ZNF385B: variants seen among roughly 807,000 people sequenced by gnomAD.
ZNF385B encodes the protein zinc finger protein 533.
In ZNF385B, 23 loss-of-function variants were observed where a neutral mutation model predicts 39.2. That is an observed-to-expected ratio of 0.59 (90% CI 0.42 to 0.83). The LOEUF (loss-of-function observed/expected upper bound fraction) is 0.83, where lower values mean the gene tolerates loss of function less well. ZNF385B is among the 40% of genes least tolerant of loss of function. The pLI is 0.00. For missense variants in ZNF385B, 552 were observed against 598.9 expected (o/e 0.92, Z 0.82); for synonymous variants, 205 against 222.6 (o/e 0.92, Z 0.70).
intron 6 of ZNF385B, among the ~76,000 whole-genome samples, chr2:179,465,149 A>G (rs2051845127): frequency 6.6e-6 from 1 of 151,654 alleles, no homozygotes; most frequent in Non-Finnish European, 1.5e-5. Flanking sequence ...AATATTTTTC[A>G]CCTTTGATGT....
chr2:179,681,602 A>AC (rs1697519738), intron 3 of ZNF385B, among the ~76,000 whole-genome samples: 1 of 152,206 alleles, frequency 6.6e-6, no homozygotes, highest in African/African-American at 2.4e-5. Context: ...AATTCTAATA[A>AC]CCCCCAGGTA....
At chr2:179,765,030 G>T (rs1208308954) in intron 3 of ZNF385B, among the ~76,000 whole-genome samples, 1 of 151,892 alleles carries the variant, frequency 6.6e-6, no homozygotes, top group Non-Finnish European at 1.5e-5. Context: ...ACTTATGCTG[G>T]AATAACACCA....
intron 3 of ZNF385B, among the ~76,000 whole-genome samples, chr2:179,683,073 A>T (rs1249225520): frequency 6.6e-6 from 1 of 152,172 alleles, no homozygotes; most frequent in Non-Finnish European, 1.5e-5. Flanking sequence ...AGTCCCCCAC[A>T]GTCACACATA....
intron 6 of ZNF385B, chr2:179,481,216 T>C (rs1284344819): frequency 2.0e-5 from 3 of 152,170 alleles, no homozygotes; most frequent in African/African-American, 7.2e-5. Context: ...CCGCTAACAT[T>C]TGAGTATTGG....
intron 3 of ZNF385B, among the ~76,000 whole-genome samples, chr2:179,545,432 T>C (rs2060171132): frequency 6.6e-6 from 1 of 152,140 alleles, no homozygotes; most frequent in Non-Finnish European, 1.5e-5. Flanking sequence ...AAAAGAAAAC[T>C]TGAACCTGTA....
chr2:179,680,318 G>A (rs73973624), intron 3 of ZNF385B, among the ~76,000 whole-genome samples: 275 of 152,242 alleles, frequency 1.8e-3, no homozygotes, highest in African/African-American at 6.2e-3. Flanking sequence ...ATGAAATACT[G>A]TTTAGTAATA....
In ZNF385B at chr2:179,446,726, T is replaced by C. The variant is rs762368580; in HGVS notation, c.760A>G (p.Ser254Gly). Residue 254 changes from serine to glycine, a missense_variant, in exon 7 of 10, where the codon AGC becomes GGC. Physicochemically the swap from Ser to Gly is moderately conservative, Grantham distance 56. Coordinates refer to ENST00000410066, the MANE Select transcript of ZNF385B (RefSeq NM_152520.6). ...LKASSSSQPS[S>G]SESGSFLLKS... is the part of the protein sequence containing the mutation. ...AGGAGAAATGAGCCACTTTCAGAGC[T>C]TGATGGCTGACTGGAACTGCTGGCT... is the stretch of plus-strand genomic sequence containing the variant. The C allele has an allele frequency of 1.9e-5, 30 of 1,613,828 alleles. No homozygotes were observed. Among genetic ancestry groups the C allele is most frequent in the Non-Finnish European group, 2.4e-5 (28 of 1,179,938 alleles).
intron 3 of ZNF385B, among the ~76,000 whole-genome samples, chr2:179,739,541 A>AGTCACT (rs1024061452): frequency 6.6e-6 from 1 of 152,180 alleles, no homozygotes; most frequent in Non-Finnish European, 1.5e-5. Context: ...AGGGTGTTAA[A>AGTCACT]GTCACTTTTG....
intron 1 of ZNF385B, among the ~76,000 whole-genome samples, chr2:179,836,259 T>C (rs958592440): frequency 6.6e-6 from 1 of 152,206 alleles, no homozygotes; most frequent in Non-Finnish European, 1.5e-5. Flanking sequence ...GAAGGGATCT[T>C]GCCTCTCTTA....
chr2:179,840,024 C>A (rs1310680574), intron 1 of ZNF385B, among the ~76,000 whole-genome samples: 1 of 152,190 alleles, frequency 6.6e-6, no homozygotes, highest in Non-Finnish European at 1.5e-5. Flanking sequence ...GGTCAGCTTC[C>A]CAGAGCACAG....
chr2:179,653,956 C>T (rs1693465066), intron 3 of ZNF385B, among the ~76,000 whole-genome samples: 1 of 152,094 alleles, frequency 6.6e-6, no homozygotes, highest in African/African-American at 2.4e-5. Flanking sequence ...TAGAGATGCA[C>T]AATGGTAAGG....
At chr2:179,691,171 A>G (rs114427827) in intron 3 of ZNF385B, among the ~76,000 whole-genome samples, 1 of 152,196 alleles carries the variant, frequency 6.6e-6, no homozygotes, top group Non-Finnish European at 1.5e-5. Context: ...TTATTAATCA[A>G]TTAAAGTCCT....
chr2:179,651,526 A>T (rs980898235), intron 3 of ZNF385B, among the ~76,000 whole-genome samples: 1 of 152,194 alleles, frequency 6.6e-6, no homozygotes, highest in African/African-American at 2.4e-5. Context: ...AAATATAACC[A>T]ACATACTATA....
At chr2:179,651,867 C>T (rs1693222145) in intron 3 of ZNF385B, among the ~76,000 whole-genome samples, 1 of 152,142 alleles carries the variant, frequency 6.6e-6, no homozygotes, top group East Asian at 1.9e-4. Flanking sequence ...GATAGTGCTC[C>T]TAACGGAAAA....
chr2:179,537,734 C>G (rs1201703624), intron 4 of ZNF385B, among the ~76,000 whole-genome samples: 1 of 140,712 alleles, frequency 7.1e-6, no homozygotes, highest in Non-Finnish European at 1.6e-5. Flanking sequence ...GAGCAAGACT[C>G]TGTCTCAAAA....
At chr2:179,568,883 T>C (rs1362827698) in intron 3 of ZNF385B, among the ~76,000 whole-genome samples, 1 of 152,188 alleles carries the variant, frequency 6.6e-6, no homozygotes, top group African/African-American at 2.4e-5. Context: ...ATAAACTCTA[T>C]TTAAACACTT....
intron 4 of ZNF385B, among the ~76,000 whole-genome samples, chr2:179,528,308 A>G (rs2059045647): frequency 6.6e-6 from 1 of 152,222 alleles, no homozygotes; most frequent in African/African-American, 2.4e-5. Flanking sequence ...AACTAAAGTA[A>G]TCTGCATTTT....
At chr2:179,673,298 A>G (rs1036589518) in intron 3 of ZNF385B, among the ~76,000 whole-genome samples, 1 of 152,210 alleles carries the variant, frequency 6.6e-6, no homozygotes, top group African/African-American at 2.4e-5. Flanking sequence ...GAGAAAGCCC[A>G]GTGGAACATG....
intron 6 of ZNF385B, among the ~76,000 whole-genome samples, chr2:179,462,361 A>C (rs1283908546): frequency 6.6e-6 from 1 of 152,210 alleles, no homozygotes; most frequent in Non-Finnish European, 1.5e-5. Context: ...GTGAGAAATA[A>C]AGCTGAAAAG....
Sources: gnomAD v4.1 joint callset for allele counts (sites outside exome capture counted in the v4.1 genomes callset) on GRCh38, gnomAD v4.1.1 for gene constraint, MANE v1.5 for transcripts, NCBI Gene and HGNC (gene_info 2026-07-23, HGNC 2026-07-21) for gene names.